FAM227B: variants seen among roughly 807,000 people sequenced by gnomAD.
FAM227B encodes the protein family with sequence similarity 227 member B, also known as protein FAM227B.
Under a neutral mutation model 73.8 loss-of-function variants are expected in FAM227B, and 88 were observed. The ratio of observed to expected loss-of-function variants is 1.19; its 90% CI spans 1.00 to 1.42. The LOEUF is 1.42. FAM227B is among the 40% of genes most tolerant of loss of function. FAM227B has a pLI of 0.00. For synonymous variants in FAM227B, 210 were observed against 190.5 expected (o/e 1.10, Z -0.84); for missense variants, 632 against 590.9 (o/e 1.07, Z -0.72).
intron 9 of FAM227B, among the ~76,000 whole-genome samples, chr15:49,567,270 A>G (rs144503482): frequency 6.6e-6 from 1 of 150,520 alleles, no homozygotes; most frequent in East Asian, 1.9e-4. Flanking sequence ...GTTTGATAAC[A>G]ATTTAAGAAT....
chr15:49,376,986 T>C (rs1193226008), intron 11 of FAM227B, among the ~76,000 whole-genome samples: 2 of 152,082 alleles, frequency 1.3e-5, no homozygotes, highest in African/African-American at 4.8e-5. Context: ...CTAGCTACTT[T>C]TTTTTATTGT....
At chr15:49,334,412 C>CT (rs1226320441) in intron 14 of FAM227B, 2 of 166,180 alleles carry the variant, frequency 1.2e-5, no homozygotes, top group African/African-American at 4.8e-5. Flanking sequence ...CAAACCAATT[C>CT]ATTCCCTCCC....
At chr15:49,405,685 T>C (rs2151655939) in intron 11 of FAM227B, among the ~76,000 whole-genome samples, 1 of 152,326 alleles carries the variant, frequency 6.6e-6, no homozygotes, top group African/African-American at 2.4e-5. Context: ...TAGATTGGGT[T>C]TCAATGTACT....
At chr15:49,442,541 C>T (rs1388622921) in intron 11 of FAM227B, among the ~76,000 whole-genome samples, 1 of 151,648 alleles carries the variant, frequency 6.6e-6, no homozygotes, top group Non-Finnish European at 1.5e-5. Context: ...ATTATATTAC[C>T]TCTTTTCCAA....
chr15:49,526,265 AG>A (rs1366180753), intron 10 of FAM227B, among the ~76,000 whole-genome samples: 1 of 152,160 alleles, frequency 6.6e-6, no homozygotes. Flanking sequence ...AAGTTACACA[AG>A]TACAGGGAAA....
intron 11 of FAM227B, among the ~76,000 whole-genome samples, chr15:49,377,647 G>A (rs2046257667): frequency 6.6e-6 from 1 of 152,066 alleles, no homozygotes; most frequent in Admixed American, 6.5e-5. Flanking sequence ...TTTGCCATTT[G>A]TACGTCTTCT....
chr15:49,340,403 G>GCCCCCC (rs373386438), intron 13 of FAM227B, among the ~76,000 whole-genome samples: 10 of 94,474 alleles, frequency 1.1e-4, no homozygotes, highest in South Asian at 3.7e-4. Flanking sequence ...GCAGTGCCCC[G>GCCCCCC]CCCCCCCCCT....
chr15:49,512,209 T>A (rs2059054663), intron 10 of FAM227B, among the ~76,000 whole-genome samples: 1 of 152,188 alleles, frequency 6.6e-6, no homozygotes, highest in African/African-American at 2.4e-5. Flanking sequence ...CAATGAATGA[T>A]TCCATATGAT....
intron 3 of FAM227B, among the ~76,000 whole-genome samples, chr15:49,599,959 A>G (rs7176306): frequency 0.57 from 85,872 of 151,968 alleles, 25,415 homozygotes; most frequent in Non-Finnish European, 0.67. Context: ...CTCTATTTCC[A>G]TATTAATTTT....
chr15:49,546,717 G>A (rs2071951161), intron 9 of FAM227B, among the ~76,000 whole-genome samples: 1 of 150,702 alleles, frequency 6.6e-6, no homozygotes, highest in African/African-American at 2.4e-5. Flanking sequence ...CAGTGATGAT[G>A]AGCAGAGAAG....
intron 13 of FAM227B, among the ~76,000 whole-genome samples, chr15:49,350,716 C>T (rs2042116169): frequency 6.6e-6 from 1 of 152,176 alleles, no homozygotes; most frequent in African/African-American, 2.4e-5. Flanking sequence ...CACCATTTGC[C>T]TTTTATAATC....
rs1330573300 is a variant in FAM227B, at chr15:49,525,665, A to AACATAT, written c.874+16014_874+16015insATATGT. The stretch of plus-strand genomic sequence containing the variant: ...GAGACTCAAAGTTAAAGGGTGGAGA[A>AACATAT]ATATATATATATATATATATATATA... On this transcript the variant is annotated intron_variant, in intron 10 of 15. Transcript: ENST00000299338. Among the ~76,000 whole-genome samples the AACATAT allele has an allele frequency of 2.0e-3, 161 of 81,470 alleles. 11 individuals are homozygous for AACATAT. The highest frequency in any genetic ancestry group is 9.9e-3 in the East Asian group (23 of 2,334). The allele number at this position is 81,470 out of a possible 152,430, so 53.4% of individuals were successfully genotyped here.
At position 49,367,575 on chromosome 15, in the gene FAM227B, G is replaced by A. The variant is rs761817125; in HGVS notation, c.1144C>T (p.Arg382Cys). Residue 382 changes from arginine (R) to cysteine (C), a missense_variant, in exon 13 of 16, where the codon CGT becomes TGT. By Grantham distance (180) the Arg-to-Cys change is radical. Transcript: ENST00000299338. ...TGACCTCCAAAATTGAAGAGAACAC[G>A]ATTAAACTCTGGACCAGTACTACTA... is the stretch of plus-strand genomic sequence containing the variant. ...HYSSTGPEFN[R>C]VLFNFGGQSP... 16 of 1,600,442 alleles carry A rather than the reference G, an allele frequency of 1.0e-5. No homozygotes were observed. The highest frequency in any genetic ancestry group is 2.7e-5 in the African/African-American group (2 of 73,888).
At chr15:49,604,649 T>C (rs1054062397) in intron 3 of FAM227B, among the ~76,000 whole-genome samples, 1 of 152,058 alleles carries the variant, frequency 6.6e-6, no homozygotes, top group Non-Finnish European at 1.5e-5. Context: ...TACCCTTTTC[T>C]CTTTCTCTTC....
rs573012932 is a variant in FAM227B at position 49,491,117 on chromosome 15, A to G, written c.1012+17094T>C. Reference sequence around the variant, plus strand: ...TCTCCTTCCCTTTGACTCTGTGAATATGGTAAATCACCAACACTCAGCTAA... The same window carrying G: ...TCTCCTTCCCTTTGACTCTGTGAATGTGGTAAATCACCAACACTCAGCTAA... On this transcript the variant is annotated intron_variant, in intron 11 of 15. Transcript: ENST00000299338. Among the ~76,000 whole-genome samples the G allele has an allele frequency of 4.6e-5, 7 of 152,022 alleles. No homozygotes were observed. The East Asian group carries it at 1.4e-3, about 29-fold the overall frequency.
intron 13 of FAM227B, among the ~76,000 whole-genome samples, chr15:49,347,180 C>T (rs1157217606): frequency 6.6e-6 from 1 of 152,132 alleles, no homozygotes; most frequent in Non-Finnish European, 1.5e-5. Context: ...AACATTAACA[C>T]TTATTCAAGT....
In FAM227B at chr15:49,587,439, T is replaced by C. The variant is rs1252467479; in HGVS notation, c.405+577A>G. Among the ~76,000 whole-genome samples, 2 of 152,088 alleles carry C rather than the reference T, an allele frequency of 1.3e-5. 1 individual carries two copies. The highest frequency in any genetic ancestry group is 4.8e-5 in the African/African-American group (2 of 41,424). On this transcript the variant is annotated intron_variant, in intron 5 of 15. Transcript: ENST00000299338. ...GTACAGCAAACCCGCATGTCACAAG[T>C]TTATTTATATAACAAACCTGCACAT...
rs1035482818 is a variant in FAM227B at position 49,327,300 on chromosome 15, G to A, written c.*1268C>T. On this transcript the variant is annotated 3_prime_UTR_variant, in exon 16 of 16. Coordinates refer to ENST00000299338, the MANE Select transcript of FAM227B (RefSeq NM_152647.3). ...CAGGGAAGGTGGTGTGGACCTCTAG[G>A]GACTGCCCTCTGCTTTGTGGAAAGG... 2 of 152,088 alleles carry A rather than the reference G, an allele frequency of 1.3e-5. No individual in the cohort carries two copies. Among genetic ancestry groups the A allele is most frequent in the Non-Finnish European group, 1.5e-5 (1 of 68,030 alleles). The allele number at this position is 152,088 out of a possible 1,614,324, so 9.4% of individuals were successfully genotyped here. A position where few individuals can be genotyped will look rare whatever the true frequency, so the allele number is the denominator to read the frequency against.
chr15:49,346,045 TTTG>T (rs1222844672), intron 13 of FAM227B, among the ~76,000 whole-genome samples: 1 of 124,578 alleles, frequency 8.0e-6, no homozygotes, highest in East Asian at 2.1e-4. Context: ...GTCACTTGCT[TTTG>T]TTATTTTTTT....
Sources: gnomAD v4.1 joint callset for allele counts (sites outside exome capture counted in the v4.1 genomes callset) on GRCh38, gnomAD v4.1.1 for gene constraint, MANE v1.5 for transcripts, NCBI Gene and HGNC (gene_info 2026-07-23, HGNC 2026-07-21) for gene names.